The following RGS12 variants were observed in gnomAD, a reference collection of about 807,000 sequenced individuals.
RGS12 encodes the protein regulator of G protein signaling 12.
A neutral mutation model predicts 120.1 loss-of-function variants in RGS12; 66 were observed. The ratio of observed to expected loss-of-function variants is 0.55; its 90% CI spans 0.45 to 0.67. The LOEUF (loss-of-function observed/expected upper bound fraction) is 0.67, where lower values mean the gene tolerates loss of function less well. RGS12 is among the 30% of genes least tolerant of loss of function. RGS12 has a pLI of 0.00. For synonymous variants in RGS12, 827 were observed against 804.7 expected, an observed-to-expected ratio of 1.03 and a Z score of -0.47; for missense variants, 1,859 against 1,957.7, an observed-to-expected ratio of 0.95 and a Z score of 0.95.
intron 2 of RGS12, among the ~76,000 whole-genome samples, chr4:3,339,800 A>C (rs189023412): frequency 6.6e-6 from 1 of 152,274 alleles, no homozygotes. Flanking sequence ...GCCTGTGTGC[A>C]TGGCTGTGAT....
upstream of RGS12, among the ~76,000 whole-genome samples, chr4:3,291,041 C>G (rs1722992633): frequency 6.6e-6 from 1 of 152,238 alleles, no homozygotes; most frequent in African/African-American, 2.4e-5. Context: ...AGTTCTCTCA[C>G]AGGCTCGGTG....
rs564566910 is a variant in RGS12 at position 3,416,908 on chromosome 4, C to T, written c.2428-5C>T. ...TGACTGTCCCACCTTACATCTTCTCCCCAGATCTTCAATCTCATGAAGTTT... is the reference window on the plus strand; with the variant it reads ...TGACTGTCCCACCTTACATCTTCTCTCCAGATCTTCAATCTCATGAAGTTT... On this transcript the variant is annotated splice_polypyrimidine_tract_variant and splice_region_variant and intron_variant, in intron 7 of 17. Transcript: ENST00000336727. 54 of 1,593,006 alleles carry T rather than the reference C, an allele frequency of 3.4e-5. No individual in the cohort carries two copies. In the South Asian group the frequency reaches 5.8e-4, roughly 17 times the overall value.
At chr4:3,398,767 T>C (rs1049889771) in intron 4 of RGS12, among the ~76,000 whole-genome samples, 2 of 151,316 alleles carry the variant, frequency 1.3e-5, no homozygotes, top group African/African-American at 2.4e-5. Context: ...TTACAAAGTA[T>C]GTGAATGGAA....
intron 2 of RGS12, chr4:3,342,408 A>C: frequency 1.6e-6 from 2 of 1,251,366 alleles, no homozygotes; most frequent in African/African-American, 3.1e-5. Context: ...AGGATGTTTT[A>C]ATAGCCAGTT....
At chr4:3,307,156 C>G (rs955017735) in intron 1 of RGS12, among the ~76,000 whole-genome samples, 2 of 152,236 alleles carry the variant, frequency 1.3e-5, no homozygotes, top group Non-Finnish European at 2.9e-5. Flanking sequence ...GGATGTGTTG[C>G]CGCTGGCTGC....
intron 1 of RGS12, among the ~76,000 whole-genome samples, chr4:3,306,364 G>A (rs1268161343): frequency 2.0e-5 from 3 of 152,252 alleles, no homozygotes; most frequent in Non-Finnish European, 4.4e-5. Flanking sequence ...TTAGAGGAGG[G>A]TGTGGAGACG....
In RGS12 at chr4:3,316,581, C is replaced by T. The variant is rs1026320088; in HGVS notation, c.411C>T (p.Val137=). 9.3e-6 allele frequency: 15 copies of T among 1,614,062 alleles called. No homozygotes were observed. The highest frequency in any genetic ancestry group is 1.7e-5 in the Admixed American group (1 of 60,020). Residue 137 remains valine, a synonymous_variant, in exon 2 of 18, where the codon GTC becomes GTT. Coordinates refer to ENST00000336727, the MANE Select transcript of RGS12 (RefSeq NM_001394154.1). ...TAGGTATAAACAGAGCAGAGCGAGT[C>T]GTGGAGGAAATGCAGTCTGGTGGAA... ...KALGINRAER[V]VEEMQSGGIF...
chr4:3,439,214 C>T (rs1725092789), intron 17 of RGS12, among the ~76,000 whole-genome samples: 3 of 152,046 alleles, frequency 2.0e-5, no homozygotes, highest in South Asian at 2.1e-4. Flanking sequence ...CTGAGTGGGT[C>T]GGCTCCCCCA....
At chr4:3,362,340 AGAGT>A (rs1225616324) in intron 3 of RGS12, among the ~76,000 whole-genome samples, 4 of 151,778 alleles carry the variant, frequency 2.6e-5, no homozygotes, top group African/African-American at 7.3e-5. Flanking sequence ...ATGAAGAGTG[AGAGT>A]GTGTGCGTGT....
intron 2 of RGS12, among the ~76,000 whole-genome samples, chr4:3,319,878 C>T (rs1195685973): frequency 1.3e-5 from 2 of 152,224 alleles, no homozygotes; most frequent in African/African-American, 2.4e-5. Context: ...CTCACTTCTC[C>T]GTGGAGCCTG....
chr4:3,363,367 T>C (rs2108854163), intron 3 of RGS12, among the ~76,000 whole-genome samples: 1 of 152,294 alleles, frequency 6.6e-6, no homozygotes, highest in Non-Finnish European at 1.5e-5. Flanking sequence ...AAACCATTTT[T>C]AAAAATCCTG....
chr4:3,332,181 G>C (rs976463561), intron 2 of RGS12, among the ~76,000 whole-genome samples: 1 of 152,202 alleles, frequency 6.6e-6, no homozygotes, highest in Non-Finnish European at 1.5e-5. Context: ...TGTTCTATGG[G>C]GTTTCCAGGA....
chr4:3,349,533 T>C (rs963858417), intron 3 of RGS12, among the ~76,000 whole-genome samples: 1 of 145,640 alleles, frequency 6.9e-6, no homozygotes, highest in Admixed American at 7.1e-5. Flanking sequence ...ATCTCCAAAC[T>C]AGACAAAATT....
Position 3,414,161 on chromosome 4 carries a change from C to T in RGS12, c.2110C>T (p.Leu704=), listed in dbSNP as rs754063940. ...CCCCAGCGTGCAGAGCTGCCGGCGC[C>T]TGCGTGAGAGGAGGGTCGCCAGCTG... is the stretch of plus-strand genomic sequence containing the variant. ...SLPSVQSCRR[L]RERRVASWAV... is the part of the protein sequence containing the mutation. The change falls in exon 5 of 18, where the codon CTG becomes TTG. Residue 704 remains leucine (L), a synonymous_variant. Transcript: ENST00000336727. The T allele has an allele frequency of 3.2e-6, 5 of 1,558,722 alleles. No individual in the cohort carries two copies. Among genetic ancestry groups the T allele is most frequent in the Non-Finnish European group, 4.3e-6 (5 of 1,157,286 alleles).
rs772209218 is a variant in RGS12 at position 3,422,578 on chromosome 4, G to T, written c.3033+8G>T. 6.2e-7 allele frequency: 1 copy of T among 1,608,560 alleles called. No individual in the cohort carries two copies. The highest frequency in any genetic ancestry group is 8.5e-7 in the Non-Finnish European group (1 of 1,178,594). ...CTGGTGGGCGGGGACAAGGTACTGGGCCCGCCTGACCCTCGTGCTGCCCTC... is the reference window on the plus strand; with the variant it reads ...CTGGTGGGCGGGGACAAGGTACTGGTCCCGCCTGACCCTCGTGCTGCCCTC... On this transcript the variant is annotated splice_region_variant and intron_variant, in intron 11 of 17. Transcript: ENST00000336727.
chr4:3,397,856 A>G (rs1720195835), intron 4 of RGS12, among the ~76,000 whole-genome samples: 1 of 152,228 alleles, frequency 6.6e-6, no homozygotes, highest in Non-Finnish European at 1.5e-5. Flanking sequence ...TCAAACCCAT[A>G]AGACACATGG....
chr4:3,336,300 TCTGC>T (rs1028286842), intron 2 of RGS12, among the ~76,000 whole-genome samples: 1 of 152,232 alleles, frequency 6.6e-6, no homozygotes, highest in Non-Finnish European at 1.5e-5. Context: ...TCAGAGTCCC[TCTGC>T]CTTTCCATCC....
chr4:3,324,457 T>C, intron 2 of RGS12: 1 of 252,760 alleles, frequency 4.0e-6, no homozygotes, highest in Non-Finnish European at 7.9e-6. Context: ...CTCTTGCTTG[T>C]CTCTGGTTGG....
intron 17 of RGS12, among the ~76,000 whole-genome samples, chr4:3,437,824 G>C (rs933795536): frequency 6.6e-6 from 1 of 152,192 alleles, no homozygotes; most frequent in Non-Finnish European, 1.5e-5. Flanking sequence ...CCACTGCTGG[G>C]ACCTGTTCAA....
Sources: gnomAD v4.1 joint callset for allele counts (sites outside exome capture counted in the v4.1 genomes callset) on GRCh38, gnomAD v4.1.1 for gene constraint, MANE v1.5 for transcripts, NCBI Gene and HGNC (gene_info 2026-07-23, HGNC 2026-07-21) for gene names.